Variants in AMBRA1 observed in about 807,000 individuals in gnomAD.
AMBRA1 encodes activating molecule in BECN1-regulated autophagy protein 1.
AMBRA1 carries 47 observed loss-of-function variants against 125.4 expected under a neutral mutation model. That is an observed-to-expected ratio of 0.37 (90% CI 0.30 to 0.48). AMBRA1 has a LOEUF of 0.48. AMBRA1 is among the 20% of genes least tolerant of loss of function. AMBRA1 has a pLI of 0.99. For synonymous variants in AMBRA1, 626 were observed against 655.5 expected (o/e 0.95, Z 0.69); for missense variants, 1,331 against 1,693.4 (o/e 0.79, Z 3.76).
intron 7 of AMBRA1, among the ~76,000 whole-genome samples, chr11:46,530,002 T>A (rs1037244548): frequency 1.3e-5 from 2 of 152,174 alleles, no homozygotes; most frequent in Admixed American, 1.3e-4. Flanking sequence ...TCTAATGGGC[T>A]GGGACCAATT....
intron 1 of AMBRA1, among the ~76,000 whole-genome samples, chr11:46,583,666 A>C (rs1470054257): frequency 0.04 from 5,755 of 143,366 alleles, 617 homozygotes; most frequent in African/African-American, 0.14. Flanking sequence ...AAAAAAAAAA[A>C]AAAAAAAAAA....
chr11:46,441,896 G>A (rs1948026900), intron 12 of AMBRA1, among the ~76,000 whole-genome samples: 1 of 150,162 alleles, frequency 6.7e-6, no homozygotes, highest in South Asian at 2.1e-4. Flanking sequence ...TACTATGGAG[G>A]TTCAGAGACA....
intron 11 of AMBRA1, among the ~76,000 whole-genome samples, chr11:46,448,151 A>G (rs1948403796): frequency 6.6e-6 from 1 of 152,214 alleles, no homozygotes; most frequent in Admixed American, 6.5e-5. Context: ...GCCCTATACT[A>G]TTTGGCAACT....
At chr11:46,480,243 A>G (rs1276840603) in intron 11 of AMBRA1, among the ~76,000 whole-genome samples, 1 of 152,216 alleles carries the variant, frequency 6.6e-6, no homozygotes, top group African/African-American at 2.4e-5. Context: ...AAAGTAACAT[A>G]TTCACAGGTT....
chr11:46,509,720 T>C (rs372340158), intron 8 of AMBRA1, among the ~76,000 whole-genome samples: 15 of 152,134 alleles, frequency 9.9e-5, no homozygotes, highest in African/African-American at 3.4e-4. Context: ...ATACATATAC[T>C]AAAATATGTT....
intron 11 of AMBRA1, among the ~76,000 whole-genome samples, chr11:46,477,015 G>A (rs1949841726): frequency 6.6e-6 from 1 of 151,830 alleles, no homozygotes; most frequent in Non-Finnish European, 1.5e-5. Flanking sequence ...GTAGGCTGAG[G>A]CATGAGAATC....
intron 15 of AMBRA1, among the ~76,000 whole-genome samples, chr11:46,413,662 T>C (rs1946400351): frequency 6.6e-6 from 1 of 152,208 alleles, no homozygotes; most frequent in Non-Finnish European, 1.5e-5. Flanking sequence ...GGCTAATTTT[T>C]GTATTTTCAG....
At chr11:46,495,100 C>G (rs557318698) in intron 9 of AMBRA1, 2 of 152,348 alleles carry the variant, frequency 1.3e-5, no homozygotes, top group East Asian at 3.9e-4. Context: ...CATTTCACTG[C>G]TTCCTACAAG....
At chr11:46,471,160 C>T (rs1050269326) in intron 11 of AMBRA1, among the ~76,000 whole-genome samples, 2 of 152,120 alleles carry the variant, frequency 1.3e-5, no homozygotes, top group Admixed American at 6.5e-5. Flanking sequence ...TTTGAATTCA[C>T]GCCAGATGCA....
intron 1 of AMBRA1, among the ~76,000 whole-genome samples, chr11:46,561,401 T>C (rs1322636182): frequency 6.6e-6 from 1 of 150,438 alleles, no homozygotes; most frequent in Non-Finnish European, 1.5e-5. Context: ...GGAAAGAATA[T>C]TGTCAGAAAA....
At chr11:46,447,063 G>GTATA (rs1948323215) in intron 11 of AMBRA1, among the ~76,000 whole-genome samples, 1 of 152,150 alleles carries the variant, frequency 6.6e-6, no homozygotes, top group African/African-American at 2.4e-5. Context: ...GTAGAAAAGG[G>GTATA]TATAATAGTA....
intron 11 of AMBRA1, among the ~76,000 whole-genome samples, chr11:46,454,409 A>G (rs995274678): frequency 1.9e-4 from 29 of 151,794 alleles, no homozygotes; most frequent in Admixed American, 1.8e-3. Flanking sequence ...TTACATGGCC[A>G]CAGCACAGTA....
At position 46,437,932 on chromosome 11, in the gene AMBRA1, C is replaced by A. The variant is rs565770354; in HGVS notation, c.2633-2895G>T. 3.3e-5 allele frequency among the ~76,000 whole-genome samples: 5 copies of A among 152,262 alleles called. No individual in the cohort carries two copies. In the South Asian group the frequency reaches 1.0e-3, roughly 32 times the overall value. On this transcript the variant is annotated intron_variant, in intron 12 of 17. Transcript: ENST00000683756. ...GACCCCAGCAGCACACAAACTTTAA[C>A]ACGTATCAAACTCACCAGGAGGGCA...
At chr11:46,430,311 T>C (rs1476194672) in intron 14 of AMBRA1, among the ~76,000 whole-genome samples, 1 of 152,180 alleles carries the variant, frequency 6.6e-6, no homozygotes, top group African/African-American at 2.4e-5. Context: ...CAAAGCACCA[T>C]GCACAAAACC....
At chr11:46,534,339 AG>A (rs778770555) in intron 7 of AMBRA1, among the ~76,000 whole-genome samples, 6 of 151,678 alleles carry the variant, frequency 4.0e-5, no homozygotes, top group Non-Finnish European at 5.9e-5. Context: ...CTAAAAATAC[AG>A]AAAAGTTAGC....
chr11:46,593,024 A>T (rs937441982), intron 1 of AMBRA1, among the ~76,000 whole-genome samples: 20 of 151,168 alleles, frequency 1.3e-4, no homozygotes, highest in Non-Finnish European at 2.9e-4. Context: ...GTAGACAACA[A>T]GGTTATCAAG....
chr11:46,553,234 C>T (rs746822734), intron 1 of AMBRA1, among the ~76,000 whole-genome samples: 7 of 152,066 alleles, frequency 4.6e-5, no homozygotes, highest in Admixed American at 6.6e-5. Flanking sequence ...TGAGCCACCA[C>T]GCCCGGCCAC....
chr11:46,590,844 T>C lies in AMBRA1; in HGVS notation c.-121+2984A>G, dbSNP rs1256121723. ...AGGAGAATTGCTTCAATCCGGGAAG[T>C]GGAGGTTGCAGTGAACTGAGATCGT... is the stretch of plus-strand genomic sequence containing the variant. On this transcript the variant is annotated intron_variant, in intron 1 of 17. Coordinates refer to ENST00000683756, the MANE Select transcript of AMBRA1 (RefSeq NM_001387011.1). 3.4e-5 allele frequency among the ~76,000 whole-genome samples: 5 copies of C among 147,664 alleles called. No homozygotes were observed. In the South Asian group the frequency reaches 1.1e-3, roughly 31 times the overall value.
intron 9 of AMBRA1, among the ~76,000 whole-genome samples, chr11:46,502,485 C>A (rs564207791): frequency 3.4e-4 from 52 of 152,306 alleles, no homozygotes; most frequent in African/African-American, 1.2e-3. Context: ...GACGATTTTA[C>A]TTGCCAAAAG....
Sources: allele counts gnomAD v4.1 joint callset (sites outside exome capture counted in the v4.1 genomes callset), GRCh38; gene constraint gnomAD v4.1.1; transcripts MANE v1.5; gene names NCBI Gene and HGNC (gene_info 2026-07-23, HGNC 2026-07-21).